CNKSR2: variants seen among roughly 807,000 people sequenced by gnomAD.
The protein encoded by CNKSR2 is connector enhancer of kinase suppressor of Ras 2.
In CNKSR2, 14 loss-of-function variants were observed where a neutral mutation model predicts 84.4. That is an observed-to-expected ratio of 0.17 (90% CI 0.11 to 0.26). The LOEUF (loss-of-function observed/expected upper bound fraction) is 0.26, where lower values mean the gene tolerates loss of function less well. Ranked by LOEUF, CNKSR2 falls within the 10% of genes least tolerant of loss-of-function variation. The pLI, the probability that CNKSR2 is intolerant of heterozygous loss-of-function variation, is 1.00. For missense variants in CNKSR2, 485 were observed against 771.2 expected (o/e 0.63, Z 4.40); for synonymous variants, 275 against 277.9 (o/e 0.99, Z 0.10).
In CNKSR2 at chrX:21,630,469, TACA is replaced by T. The variant is rs771294120; in HGVS notation, c.2693-18356_2693-18354del. Among the ~76,000 whole-genome samples the T allele has an allele frequency of 2.5e-4, 28 of 111,726 alleles. 1 individual carries two copies. The East Asian group carries it at 5.3e-3, about 21-fold the overall frequency. On this transcript the variant is annotated intron_variant, in intron 20 of 21. Transcript: ENST00000379510. Reference sequence around the variant, plus strand: ...TACGTAATATAAGTCATTTAATCCTTACAACAACCCTGTAAGGGAAATACTATT... The same window carrying T: ...TACGTAATATAAGTCATTTAATCCTTACAACCCTGTAAGGGAAATACTATT...
rs996489670 is a variant in CNKSR2 at position 21,521,315 on chromosome X, C to T, written c.957+4684C>T. ...GAGCCAGAAGCAATTGTATGTTTTA[C>T]ATACTCAAATGAGTAAATACATGCA... On this transcript the variant is annotated intron_variant, in intron 9 of 21. Transcript: ENST00000379510. Among the ~76,000 whole-genome samples, 4 of 110,790 alleles carry T rather than the reference C, an allele frequency of 3.6e-5. No homozygotes were observed. The Admixed American group carries it at 3.8e-4, about 11-fold the overall frequency.
chrX:21,631,570 A>G (rs917233188), intron 20 of CNKSR2, among the ~76,000 whole-genome samples: 16 of 112,027 alleles, frequency 1.4e-4, no homozygotes, highest in Non-Finnish European at 2.6e-4. Context: ...CTACTCACAG[A>G]TGCCAAGTCT....
At chrX:21,402,842 C>A (rs948325763) in intron 1 of CNKSR2, among the ~76,000 whole-genome samples, 4 of 110,669 alleles carry the variant, frequency 3.6e-5, no homozygotes, top group African/African-American at 1.3e-4. Context: ...TATTATAAAA[C>A]CTCTATCATA....
intron 1 of CNKSR2, among the ~76,000 whole-genome samples, chrX:21,389,293 G>A (rs2090014984): frequency 9.4e-6 from 1 of 106,541 alleles, no homozygotes; most frequent in Admixed American, 1.0e-4. Flanking sequence ...ATAAAGTGTG[G>A]AGTTTAGTTT....
At chrX:21,623,225 T>A (rs2092609428) in intron 20 of CNKSR2, among the ~76,000 whole-genome samples, 1 of 111,637 alleles carries the variant, frequency 9.0e-6, no homozygotes, top group African/African-American at 3.2e-5. Context: ...TTATAAATAA[T>A]AGCTTCAAAT....
chrX:21,401,380 C>T (rs2090189397), intron 1 of CNKSR2, among the ~76,000 whole-genome samples: 1 of 111,936 alleles, frequency 8.9e-6, no homozygotes, highest in African/African-American at 3.2e-5. Context: ...AATCTACAAA[C>T]ATTTAACCAA....
intron 1 of CNKSR2, among the ~76,000 whole-genome samples, chrX:21,404,531 G>A (rs1260460687): frequency 9.1e-6 from 1 of 110,463 alleles, no homozygotes; most frequent in Non-Finnish European, 1.9e-5. Flanking sequence ...GCTCACACCT[G>A]TAACCCTAGC....
intron 20 of CNKSR2, chrX:21,646,029 T>G (rs1450366649): frequency 8.9e-6 from 1 of 111,785 alleles, no homozygotes; most frequent in Non-Finnish European, 1.9e-5. Context: ...TGTCTAGTCT[T>G]AAAATGTTAA....
chrX:21,479,724 G>T (rs1355094071), intron 5 of CNKSR2, among the ~76,000 whole-genome samples: 1 of 110,830 alleles, frequency 9.0e-6, no homozygotes, highest in Non-Finnish European at 1.9e-5. Flanking sequence ...GCTTCATTGG[G>T]TTGCATAGAT....
At chrX:21,388,024 C>T (rs989892548) in intron 1 of CNKSR2, among the ~76,000 whole-genome samples, 28 of 110,119 alleles carry the variant, frequency 2.5e-4, no homozygotes, top group African/African-American at 8.9e-4. Flanking sequence ...CTCAGCCTCT[C>T]GAGTAGCTGG....
At chrX:21,432,960 G>C in intron 3 of CNKSR2, 146 bp downstream of exon 3, 1 of 537,650 alleles carries the variant, frequency 1.9e-6, no homozygotes, top group African/African-American at 2.4e-5. Context: ...CACAATATAG[G>C]GGTATTAAAT....
At chrX:21,617,311 G>A (rs1311774918) in intron 20 of CNKSR2, among the ~76,000 whole-genome samples, 2 of 111,102 alleles carry the variant, frequency 1.8e-5, no homozygotes, top group African/African-American at 3.3e-5. Context: ...AGAGAAGGCC[G>A]AAGGTCACAA....
chrX:21,549,881 A>T (rs1202179150), intron 11 of CNKSR2, among the ~76,000 whole-genome samples: 2 of 112,248 alleles, frequency 1.8e-5, no homozygotes, highest in Non-Finnish European at 3.8e-5. Flanking sequence ...GAAAACTGAA[A>T]CTGGACCCCT....
chrX:21,590,043 A>T (rs765491701), intron 13 of CNKSR2, among the ~76,000 whole-genome samples: 23 of 111,471 alleles, frequency 2.1e-4, no homozygotes, highest in Non-Finnish European at 2.8e-4. Context: ...GACATCATCT[A>T]CATGAAGATT....
At chrX:21,599,042 C>G (rs1207637655) in intron 17 of CNKSR2, among the ~76,000 whole-genome samples, 1 of 112,895 alleles carries the variant, frequency 8.9e-6, no homozygotes, top group African/African-American at 3.2e-5. Flanking sequence ...TATCCACACA[C>G]TTTCTAAACA....
intron 1 of CNKSR2, among the ~76,000 whole-genome samples, chrX:21,400,090 A>G (rs1159936017): frequency 1.8e-5 from 2 of 111,242 alleles, no homozygotes; most frequent in East Asian, 5.6e-4. Context: ...ATCATAGTAG[A>G]AGCTAATTAT....
At chrX:21,569,614 G>A (rs895241799) in intron 13 of CNKSR2, among the ~76,000 whole-genome samples, 11 of 112,093 alleles carry the variant, frequency 9.8e-5, no homozygotes, top group African/African-American at 3.2e-4. Flanking sequence ...AATCACAAAT[G>A]TTCTTAATGG....
chrX:21,526,329 G>A (rs758377812), intron 9 of CNKSR2, among the ~76,000 whole-genome samples: 7 of 110,932 alleles, frequency 6.3e-5, no homozygotes, highest in Non-Finnish European at 1.1e-4. Flanking sequence ...AAATACTCTC[G>A]TATTGGCCTT....
chrX:21,451,716 G>A (rs1308588313), intron 4 of CNKSR2, among the ~76,000 whole-genome samples: 1 of 65,298 alleles, frequency 1.5e-5, no homozygotes, highest in Non-Finnish European at 2.7e-5. Flanking sequence ...GGGGAGGGGG[G>A]AGGGATAGCA....
Sources: gnomAD v4.1 joint callset for allele counts (sites outside exome capture counted in the v4.1 genomes callset) on GRCh38, gnomAD v4.1.1 for gene constraint, MANE v1.5 for transcripts, NCBI Gene and HGNC (gene_info 2026-07-23, HGNC 2026-07-21) for gene names.